Variants in CDS1 observed in about 807,000 individuals in gnomAD.
The protein encoded by CDS1 is CDP-diacylglycerol synthase 1.
A neutral mutation model predicts 62.1 loss-of-function variants in CDS1; 41 were observed. The ratio of observed to expected loss-of-function variants is 0.66; its 90% CI spans 0.51 to 0.86. CDS1 has a LOEUF of 0.86. CDS1 is among the 40% of genes least tolerant of loss of function. The probability of loss-of-function intolerance (pLI) is 0.00; values close to 1 mark genes in which losing one functional copy is unlikely to be tolerated. For synonymous variants in CDS1, 185 were observed against 192.6 expected (o/e 0.96, Z 0.32); for missense variants, 470 against 550.1 (o/e 0.85, Z 1.46).
intron 5 of CDS1, among the ~76,000 whole-genome samples, chr4:84,624,540 A>G (rs543527159): frequency 7.2e-5 from 11 of 152,214 alleles, no homozygotes; most frequent in Non-Finnish European, 1.5e-4. Context: ...ATATATTAAT[A>G]GCTTATAGAT....
At chr4:84,587,754 G>A (rs753093338) in intron 1 of CDS1, among the ~76,000 whole-genome samples, 4 of 152,156 alleles carry the variant, frequency 2.6e-5, no homozygotes, top group Non-Finnish European at 5.9e-5. Context: ...GGTGGGAGGA[G>A]GGAGACAGAG....
chr4:84,648,423 T>A (rs771099103), intron 12 of CDS1, 134 bp from the exon 13 acceptor site: 3 of 751,870 alleles, frequency 4.0e-6, no homozygotes, highest in Non-Finnish European at 4.2e-6. Flanking sequence ...TGAGCTATTA[T>A]CAAGAGCTAT....
intron 1 of CDS1, among the ~76,000 whole-genome samples, chr4:84,591,478 G>T (rs1353776037): frequency 6.6e-6 from 1 of 152,170 alleles, no homozygotes; most frequent in African/African-American, 2.4e-5. Flanking sequence ...GAGAAAAGAG[G>T]TGGTGTCAGG....
intron 2 of CDS1, among the ~76,000 whole-genome samples, chr4:84,606,454 T>C (rs779071950): frequency 1.7e-4 from 26 of 152,162 alleles, no homozygotes. Context: ...ATCCTAAATA[T>C]ATTTCAGAAA....
intron 3 of CDS1, among the ~76,000 whole-genome samples, chr4:84,614,600 A>T (rs1164539023): frequency 6.6e-6 from 1 of 152,240 alleles, no homozygotes; most frequent in Non-Finnish European, 1.5e-5. Context: ...AATATAGTTC[A>T]TACTCAAAAT....
intron 7 of CDS1, 42 bp downstream of exon 7, chr4:84,633,981 C>T (rs760282492): frequency 3.4e-5 from 40 of 1,167,576 alleles, no homozygotes; most frequent in Non-Finnish European, 5.0e-5. Flanking sequence ...TATGTCATAG[C>T]ACTTTTATAG....
At chr4:84,617,952 T>G (rs774769278) in intron 4 of CDS1, among the ~76,000 whole-genome samples, 3 of 152,100 alleles carry the variant, frequency 2.0e-5, no homozygotes, top group Non-Finnish European at 4.4e-5. Flanking sequence ...TTGGAAACAT[T>G]TTTGTATCCT....
chr4:84,600,173 G>T lies in CDS1; in HGVS notation c.118-4070G>T, dbSNP rs545674912. Among the ~76,000 whole-genome samples, 23 of 152,156 alleles carry T rather than the reference G, an allele frequency of 1.5e-4. No homozygotes were observed. The East Asian group carries it at 4.1e-3, about 27-fold the overall frequency. The stretch of plus-strand genomic sequence containing the variant: ...TTTCATATGTTTATTTACCATCTGT[G>T]CATTGCCCCTGAAATGTCTGTCCAA... On this transcript the variant is annotated intron_variant, in intron 1 of 12. Transcript: ENST00000295887.
At chr4:84,612,768 A>C (rs1467371713) in intron 3 of CDS1, among the ~76,000 whole-genome samples, 1 of 152,128 alleles carries the variant, frequency 6.6e-6, no homozygotes, top group Non-Finnish European at 1.5e-5. Flanking sequence ...AGGCAGGTAG[A>C]TCATTTGAGG....
chr4:84,600,019 G>C (rs1722888343), intron 1 of CDS1, among the ~76,000 whole-genome samples: 1 of 152,162 alleles, frequency 6.6e-6, no homozygotes, highest in African/African-American at 2.4e-5. Context: ...AAGCCTTTCA[G>C]TTCCTCCAGA....
Position 84,651,046 on chromosome 4 carries a change from C to T in CDS1, c.*2360C>T, listed in dbSNP as rs1015232358. 1 of 152,158 alleles carries T rather than the reference C, an allele frequency of 6.6e-6. No individual in the cohort carries two copies. The highest frequency in any genetic ancestry group is 1.5e-5 in the Non-Finnish European group (1 of 68,032). The allele number at this position is 152,158 out of a possible 1,614,324, so 9.4% of individuals were successfully genotyped here. ...CTACTGGTACTTCCTGCTTGACTCTCTGACCTGTGGGATGCACATTCTTCC... is the reference window on the plus strand; with the variant it reads ...CTACTGGTACTTCCTGCTTGACTCTTTGACCTGTGGGATGCACATTCTTCC... On this transcript the variant is annotated 3_prime_UTR_variant, in exon 13 of 13. Transcript: ENST00000295887.
intron 1 of CDS1, among the ~76,000 whole-genome samples, chr4:84,589,752 G>T (rs941493644): frequency 2.0e-5 from 3 of 152,202 alleles, no homozygotes; most frequent in African/African-American, 7.2e-5. Context: ...TATTTCAGAG[G>T]GGGAGAGGCA....
At chr4:84,589,636 T>G (rs1177854196) in intron 1 of CDS1, among the ~76,000 whole-genome samples, 1 of 152,252 alleles carries the variant, frequency 6.6e-6, no homozygotes, top group African/African-American at 2.4e-5. Context: ...AATAACATTT[T>G]TTTAAAATGC....
At chr4:84,616,441 A>C (rs191694356) in intron 3 of CDS1, among the ~76,000 whole-genome samples, 2 of 152,256 alleles carry the variant, frequency 1.3e-5, no homozygotes, top group African/African-American at 2.4e-5. Context: ...GGAAATCTTA[A>C]AAAGAAATCC....
rs532017746 is a variant in CDS1 at position 84,632,871 on chromosome 4, C to T, written c.640-986C>T. Reference sequence around the variant, plus strand: ...AGCGCCGATGGCTCATGCCTGTAATCGCAACACTTTGGGAGGCCAAGGCAG... The same window carrying T: ...AGCGCCGATGGCTCATGCCTGTAATTGCAACACTTTGGGAGGCCAAGGCAG... On this transcript the variant is annotated intron_variant, in intron 6 of 12. Coordinates refer to ENST00000295887, the MANE Select transcript of CDS1 (RefSeq NM_001263.4). 6.6e-5 allele frequency among the ~76,000 whole-genome samples: 10 copies of T among 152,334 alleles called. 1 individual carries two copies. The South Asian group carries it at 1.4e-3, about 22-fold the overall frequency.
intron 2 of CDS1, 102 bp from the exon 3 acceptor site, chr4:84,609,327 T>G: frequency 4.2e-6 from 3 of 714,744 alleles, no homozygotes; most frequent in Non-Finnish European, 7.4e-6. Context: ...AGTAGTAGAA[T>G]CTTATAGTTA....
intron 5 of CDS1, among the ~76,000 whole-genome samples, chr4:84,629,943 A>G (rs1307802934): frequency 6.6e-6 from 1 of 152,304 alleles, no homozygotes; most frequent in African/African-American, 2.4e-5. Context: ...TTCATAGTTA[A>G]TGATATTGAG....
intron 1 of CDS1, among the ~76,000 whole-genome samples, chr4:84,600,939 C>G: frequency 6.6e-6 from 1 of 151,940 alleles, no homozygotes; most frequent in Non-Finnish European, 1.5e-5. Context: ...GAGGCCAAGG[C>G]AGGTGGATTG....
intron 2 of CDS1, among the ~76,000 whole-genome samples, chr4:84,607,470 G>A (rs1355152692): frequency 1.3e-5 from 2 of 151,076 alleles, no homozygotes; most frequent in East Asian, 2.0e-4. Context: ...CCACAGGTGA[G>A]TACCACCACG....
Sources: allele counts gnomAD v4.1 joint callset (sites outside exome capture counted in the v4.1 genomes callset), GRCh38; gene constraint gnomAD v4.1.1; transcripts MANE v1.5; gene names NCBI Gene and HGNC (gene_info 2026-07-23, HGNC 2026-07-21).